PCDH9: variants seen among roughly 807,000 people sequenced by gnomAD.
The protein encoded by PCDH9 is protocadherin-9.
In PCDH9, 24 loss-of-function variants were observed where a neutral mutation model predicts 70.6. That is an observed-to-expected ratio of 0.34 (90% CI 0.25 to 0.48). The LOEUF (loss-of-function observed/expected upper bound fraction) is 0.48. PCDH9 is among the 20% of genes least tolerant of loss of function. PCDH9 has a pLI of 0.99. For synonymous variants in PCDH9, 562 were observed against 558.5 expected, an observed-to-expected ratio of 1.01 and a Z score of -0.09; for missense variants, 1,281 against 1,503.6, an observed-to-expected ratio of 0.85 and a Z score of 2.45.
chr13:66,821,790 A>T (rs2080716109), intron 3 of PCDH9, among the ~76,000 whole-genome samples: 1 of 152,180 alleles, frequency 6.6e-6, no homozygotes, highest in Non-Finnish European at 1.5e-5. Context: ...TTCATACCAT[A>T]ACTGGAAATA....
intron 3 of PCDH9, among the ~76,000 whole-genome samples, chr13:66,728,538 C>T (rs186030099): frequency 3.5e-4 from 53 of 152,186 alleles, no homozygotes; most frequent in African/African-American, 1.2e-3. Flanking sequence ...TCTGGATTCA[C>T]AGGGATTCTA....
chr13:66,682,038 C>T (rs1442324369), intron 3 of PCDH9, among the ~76,000 whole-genome samples: 1 of 150,338 alleles, frequency 6.7e-6, no homozygotes, highest in Non-Finnish European at 1.5e-5. Flanking sequence ...CTCTGACACA[C>T]TTATCTCTGT....
chr13:67,112,593 G>GA (rs529886336), intron 2 of PCDH9, among the ~76,000 whole-genome samples: 262 of 151,522 alleles, frequency 1.7e-3, no homozygotes, highest in Non-Finnish European at 3.2e-3. Context: ...TTTCCAAACT[G>GA]AAAAAAAATG....
intron 2 of PCDH9, among the ~76,000 whole-genome samples, chr13:67,042,104 C>T (rs992085692): frequency 2.0e-5 from 3 of 151,932 alleles, no homozygotes; most frequent in Non-Finnish European, 2.9e-5. Context: ...CCTGACTGGC[C>T]GACTGTGTGG....
intron 2 of PCDH9, among the ~76,000 whole-genome samples, chr13:66,925,104 T>A (rs557685770): frequency 5.3e-5 from 8 of 152,030 alleles, no homozygotes; most frequent in African/African-American, 1.9e-4. Flanking sequence ...AAAGTTTAAA[T>A]CTGTTCGCTG....
intron 2 of PCDH9, among the ~76,000 whole-genome samples, chr13:66,944,194 T>C (rs1052696209): frequency 6.6e-6 from 1 of 152,144 alleles, no homozygotes; most frequent in African/African-American, 2.4e-5. Flanking sequence ...ACCTACTTTA[T>C]TTCTTGCACC....
chr13:66,879,634 C>A (rs1192154123), intron 3 of PCDH9, among the ~76,000 whole-genome samples: 5 of 151,990 alleles, frequency 3.3e-5, no homozygotes, highest in African/African-American at 4.8e-5. Flanking sequence ...GAAAGAAGTA[C>A]ATTTCCTCAC....
At chr13:67,213,114 G>A (rs1453695587) in intron 2 of PCDH9, 1 of 148,028 alleles carries the variant, frequency 6.8e-6, no homozygotes, top group African/African-American at 2.5e-5. Context: ...GGGAGGCTGA[G>A]GCAGGAGAAT....
intron 2 of PCDH9, among the ~76,000 whole-genome samples, chr13:67,039,612 A>G (rs1043036283): frequency 3.3e-5 from 5 of 152,216 alleles, no homozygotes; most frequent in African/African-American, 1.2e-4. Context: ...GTGTGTGGGC[A>G]AATGGATCAG....
chr13:66,515,393 T>C (rs938235245), intron 4 of PCDH9, among the ~76,000 whole-genome samples: 31 of 152,156 alleles, frequency 2.0e-4, no homozygotes, highest in Middle Eastern at 3.4e-3. Flanking sequence ...AAATTCATTA[T>C]TATAATATTC....
chr13:66,653,985 A>AAAAAAG (rs576503175), intron 3 of PCDH9, among the ~76,000 whole-genome samples: 1,643 of 150,366 alleles, frequency 0.011, 39 homozygotes, highest in African/African-American at 0.036. Flanking sequence ...AAAAAAAAAA[A>AAAAAAG]ATAGAAAGAA....
At chr13:66,428,169 C>CA (rs1444135860) in intron 4 of PCDH9, among the ~76,000 whole-genome samples, 2 of 151,598 alleles carry the variant, frequency 1.3e-5, no homozygotes, top group East Asian at 3.9e-4. Flanking sequence ...GATTAGTTGG[C>CA]AAATCAGTTT....
intron 4 of PCDH9, among the ~76,000 whole-genome samples, chr13:66,397,622 C>T (rs1178530055): frequency 6.6e-6 from 1 of 150,826 alleles, no homozygotes; most frequent in Non-Finnish European, 1.5e-5. Flanking sequence ...TGTATATATA[C>T]ATATTTTGTA....
At chr13:66,423,132 C>T (rs922479179) in intron 4 of PCDH9, among the ~76,000 whole-genome samples, 1 of 152,088 alleles carries the variant, frequency 6.6e-6, no homozygotes, top group African/African-American at 2.4e-5. Flanking sequence ...CCTGAATAGA[C>T]CAATAACAAG....
At chr13:66,995,824 C>T (rs538601645) in intron 2 of PCDH9, among the ~76,000 whole-genome samples, 1 of 152,022 alleles carries the variant, frequency 6.6e-6, no homozygotes, top group Non-Finnish European at 1.5e-5. Flanking sequence ...TCTAAAAATC[C>T]TCTGATATAC....
chr13:66,727,387 A>G (rs1460952722), intron 3 of PCDH9, among the ~76,000 whole-genome samples: 1 of 152,218 alleles, frequency 6.6e-6, no homozygotes, highest in Admixed American at 6.5e-5. Context: ...TATCTGCTTA[A>G]TAATGAAATT....
intron 3 of PCDH9, among the ~76,000 whole-genome samples, chr13:66,738,182 C>A (rs2079188335): frequency 1.3e-5 from 2 of 152,040 alleles, no homozygotes; most frequent in African/African-American, 4.8e-5. Context: ...GGGTCCCTGA[C>A]CCCTGACCCC....
Position 67,156,321 on chromosome 13 carries a change from A to G in PCDH9, c.3036+69084T>C, listed in dbSNP as rs568407278. On this transcript the variant is annotated intron_variant, in intron 2 of 4. Transcript: ENST00000377865. ...ATAGAGGCAGGGGGATGTCAAATGC[A>G]GCATATCAGCGTAGGAACACACAGG... is the stretch of plus-strand genomic sequence containing the variant. Among the ~76,000 whole-genome samples the G allele has an allele frequency of 2.0e-5, 3 of 152,278 alleles. No homozygotes were observed. The South Asian group carries it at 6.2e-4, about 32-fold the overall frequency.
At chr13:66,913,322 A>G (rs1035885655) in intron 2 of PCDH9, among the ~76,000 whole-genome samples, 1 of 151,986 alleles carries the variant, frequency 6.6e-6, no homozygotes, top group Non-Finnish European at 1.5e-5. Flanking sequence ...CAAACAAACA[A>G]ACCCTACACT....
Sources: gnomAD v4.1 joint callset for allele counts (sites outside exome capture counted in the v4.1 genomes callset) on GRCh38, gnomAD v4.1.1 for gene constraint, MANE v1.5 for transcripts, NCBI Gene and HGNC (gene_info 2026-07-23, HGNC 2026-07-21) for gene names.